The following PHLDB1 variants were observed in gnomAD, a reference collection of about 807,000 sequenced individuals.
PHLDB1 encodes the protein pleckstrin homology like domain family B member 1.
Under a neutral mutation model 139.3 loss-of-function variants are expected in PHLDB1, and 65 were observed. That is an observed-to-expected ratio of 0.47 (90% confidence interval 0.38 to 0.57). The LOEUF (loss-of-function observed/expected upper bound fraction) is 0.57. PHLDB1 is among the 20% of genes least tolerant of loss of function. PHLDB1 has a pLI of 0.00. For missense variants in PHLDB1, 1,624 were observed against 1,839.7 expected, an observed-to-expected ratio of 0.88 and a Z score of 2.14; for synonymous variants, 679 against 734.5, an observed-to-expected ratio of 0.92 and a Z score of 1.22.
chr11:118,635,493 G>A lies in PHLDB1; in HGVS notation c.2480G>A (p.Gly827Asp). The stretch of plus-strand genomic sequence containing the variant: ...GTGGAGGAGGAGCGCGAGCTGGCCG[G>A]CCAGGGGCTGCTCCGGAGCAAGGCT... ...SRVEEERELAGQGLLRSKAEL... is the reference protein window; with the variant it reads ...SRVEEERELADQGLLRSKAEL... The change falls in exon 10 of 23, where the codon GGC (glycine) becomes GAC (aspartate). Residue 827 changes from glycine to aspartate, a missense_variant. Physicochemically the swap from Gly to Asp is moderately conservative, Grantham distance 94. Transcript: ENST00000600882. 6.2e-7 allele frequency: 1 copy of A among 1,609,936 alleles called. No individual in the cohort carries two copies. Among genetic ancestry groups the A allele is most frequent in the Non-Finnish European group, 8.5e-7 (1 of 1,178,388 alleles).
At chr11:118,651,328 A>G (rs569708106) in intron 20 of PHLDB1, 1 of 152,334 alleles carries the variant, frequency 6.6e-6, no homozygotes, top group Admixed American at 6.5e-5. Flanking sequence ...TGTCTCTACT[A>G]AAAATACAAA....
At chr11:118,654,774 G>A (rs995746639) in intron 20 of PHLDB1, 1 of 129,476 alleles carries the variant, frequency 7.7e-6, no homozygotes, top group Non-Finnish European at 1.5e-5. Context: ...CTGAAGTGCA[G>A]TGGCGTGATC....
chr11:118,623,874 T>TTGTGTGTGTGTG (rs3222268), intron 4 of PHLDB1, among the ~76,000 whole-genome samples: 9 of 141,288 alleles, frequency 6.4e-5, no homozygotes, highest in African/African-American at 2.4e-4. Flanking sequence ...CTCTGAACAT[T>TTGTGTGTGTGTG]TGTGTGTGTG....
At chr11:118,654,412 A>G (rs574725330) in intron 20 of PHLDB1, 1 of 152,302 alleles carries the variant, frequency 6.6e-6, no homozygotes, top group Admixed American at 6.5e-5. Context: ...AATAGGTAAA[A>G]GTATTCATAT....
chr11:118,610,211 C>T lies in PHLDB1; in HGVS notation c.-22+2512C>T, dbSNP rs182514287. ...TTTTCCCATCTCTTAGTCTGCCTTT[C>T]ATTTTCCCCTTCACATCCCGGTGGC... On this transcript the variant is annotated intron_variant, in intron 1 of 22. Transcript: ENST00000600882. This position sits in a 1 kb window ranked among gnomAD's most constrained non-coding sequence, Gnocchi z 8.7. Among the ~76,000 whole-genome samples, 1 of 151,954 alleles carries T rather than the reference C, an allele frequency of 6.6e-6. No homozygotes were observed. Among genetic ancestry groups the T allele is most frequent in the South Asian group, 2.1e-4 (1 of 4,802 alleles).
chr11:118,622,059 C>A (rs1942925107), intron 4 of PHLDB1, among the ~76,000 whole-genome samples: 1 of 152,170 alleles, frequency 6.6e-6, no homozygotes, highest in African/African-American at 2.4e-5. Context: ...TGGTGTTTCT[C>A]CTCTGCATCT....
At chr11:118,653,820 C>T (rs1466986474) in intron 20 of PHLDB1, 1 of 152,204 alleles carries the variant, frequency 6.6e-6, no homozygotes, top group Non-Finnish European at 1.5e-5. Context: ...TACAGAGGAG[C>T]ATCTGTGCTT....
chr11:118,628,590 C>G lies in PHLDB1; in HGVS notation c.1767C>G (p.Leu589=), dbSNP rs782093993. Residue 589 remains leucine, a synonymous_variant, in exon 6 of 23, where the codon CTC becomes CTG. Coordinates refer to ENST00000600882, the MANE Select transcript of PHLDB1 (RefSeq NM_001144758.3). ...ITEISDNEDD[L]LEYHRRQRQE... The stretch of plus-strand genomic sequence containing the variant: ...AGATCAGTGACAATGAGGACGACCT[C>G]CTGGAGTACCACCGGCGACAGCGCC... The G allele has an allele frequency of 6.2e-7, 1 of 1,612,904 alleles. No individual in the cohort carries two copies. Among genetic ancestry groups the G allele is most frequent in the Non-Finnish European group, 8.5e-7 (1 of 1,179,924 alleles).
rs1943565381 is a variant in PHLDB1, at chr11:118,624,821, G to C, written c.356-113G>C. 3 of 1,049,400 alleles carry C rather than the reference G, an allele frequency of 2.9e-6. No individual in the cohort carries two copies. In the South Asian group the frequency reaches 4.0e-5, roughly 14 times the overall value. The allele number at this position is 1,049,400 out of a possible 1,614,324, so 65.0% of individuals were successfully genotyped here. A position where few individuals can be genotyped will look rare whatever the true frequency, so the allele number is the denominator to read the frequency against. ...GACGGGACTTCACCACATTGGCCAG[G>C]CTGGTCTCCAACTCCCGACCTCAGG... is the stretch of plus-strand genomic sequence containing the variant. On this transcript the variant is annotated intron_variant, in intron 4 of 22. Coordinates refer to ENST00000600882, the MANE Select transcript of PHLDB1 (RefSeq NM_001144758.3).
At position 118,638,884 on chromosome 11, in the gene PHLDB1, C is replaced by T. The variant is rs782034844; in HGVS notation, c.2536-7C>T. 5.6e-6 allele frequency: 9 copies of T among 1,604,892 alleles called. No individual in the cohort carries two copies. The highest frequency in any genetic ancestry group is 2.6e-6 in the Non-Finnish European group (3 of 1,175,064). On this transcript the variant is annotated splice_polypyrimidine_tract_variant and splice_region_variant and intron_variant, in intron 10 of 22. Coordinates refer to ENST00000600882, the MANE Select transcript of PHLDB1 (RefSeq NM_001144758.3). ...CAGGGCCTGATCAACCACCCCATCTCCTTTAGGAGCGCCTGGCCATCCTGG... is the reference window on the plus strand; with the variant it reads ...CAGGGCCTGATCAACCACCCCATCTTCTTTAGGAGCGCCTGGCCATCCTGG...
rs551936081 is a variant in PHLDB1 at position 118,627,874 on chromosome 11, C to T, written c.1051C>T (p.Arg351Trp). Residue 351 changes from arginine (R) to tryptophan (W), a missense_variant, in exon 6 of 23, where the codon CGG becomes TGG. Arg to Trp is a moderately radical substitution (Grantham distance 101, BLOSUM62 -3). Transcript: ENST00000600882. ...AEARRATESP[R>W]LGGQLPVVAI... ...GGCCCGGAGAGCCACTGAGAGCCCCCGGCTGGGTGGGCAGCTGCCTGTGGT... is the reference window on the plus strand; with the variant it reads ...GGCCCGGAGAGCCACTGAGAGCCCCTGGCTGGGTGGGCAGCTGCCTGTGGT... The T allele has an allele frequency of 2.3e-4, 365 of 1,609,496 alleles. 2 individuals carry two copies. The South Asian group carries it at 3.6e-3, about 16-fold the overall frequency.
At chr11:118,642,008 A>C in intron 12 of PHLDB1, 1 of 609,202 alleles carries the variant, frequency 1.6e-6, no homozygotes, top group Non-Finnish European at 2.9e-6. Flanking sequence ...ATTCAGGGCA[A>C]CTGTTGTCTC....
At position 118,635,065 on chromosome 11, in the gene PHLDB1, C is replaced by T. The variant is rs527307235; in HGVS notation, c.2380-328C>T. ...CAGCTGAGAAGGGTCAGTTCCACCG[C>T]CCCCCCTCCCCCGGCCCCGCGGGCC... is the stretch of plus-strand genomic sequence containing the variant. On this transcript the variant is annotated intron_variant, in intron 9 of 22. Coordinates refer to ENST00000600882, the MANE Select transcript of PHLDB1 (RefSeq NM_001144758.3). 36 of 493,722 alleles carry T rather than the reference C, an allele frequency of 7.3e-5. No homozygotes were observed. The Middle Eastern group carries it at 1.0e-3, about 14-fold the overall frequency. 30.6% of individuals were successfully genotyped at this position (493,722 alleles called of 1,614,324 possible).
In PHLDB1 at chr11:118,650,151, C is replaced by T; in HGVS notation, c.3729C>T (p.Gly1243=). Reference sequence around the variant, plus strand: ...TGAAGACACATATTGAGTCATCGGGCCATGGTGTTGATACCTGCCTGCACG... The same window carrying T: ...TGAAGACACATATTGAGTCATCGGGTCATGGTGTTGATACCTGCCTGCACG... ...FDLKTHIESS[G]HGVDTCLHVV... The change falls in exon 19 of 23, where the codon GGC becomes GGT. Residue 1243 remains glycine, a synonymous_variant. Coordinates refer to ENST00000600882, the MANE Select transcript of PHLDB1 (RefSeq NM_001144758.3). This position sits in a 1 kb window ranked among gnomAD's most constrained non-coding sequence, Gnocchi z 4.7. 1 of 1,614,110 alleles carries T rather than the reference C, an allele frequency of 6.2e-7. No individual in the cohort carries two copies. Among genetic ancestry groups the T allele is most frequent in the Non-Finnish European group, 8.5e-7 (1 of 1,179,938 alleles).
intron 9 of PHLDB1, 107 bp from the exon 10 acceptor site, chr11:118,635,284 AAT>A: frequency 1.5e-6 from 2 of 1,320,828 alleles, no homozygotes; most frequent in Non-Finnish European, 2.1e-6. Flanking sequence ...TTTCTTACCC[AAT>A]TTCCCCGGGT....
At chr11:118,644,622 C>A in intron 15 of PHLDB1, 2 of 1,282,628 alleles carry the variant, frequency 1.6e-6, no homozygotes, top group Admixed American at 2.3e-5. Flanking sequence ...CTACCGTACC[C>A]TCTGCCTGGG....
chr11:118,613,742 C>G, intron 1 of PHLDB1, 74 bp from the exon 2 acceptor site: 1 of 881,806 alleles, frequency 1.1e-6, no homozygotes, highest in Non-Finnish European at 1.8e-6. Context: ...CCCTGAGAAC[C>G]CTGCCACAGA....
intron 20 of PHLDB1, 183 bp from the exon 21 acceptor site, chr11:118,655,421 TG>T: frequency 1.9e-6 from 1 of 533,474 alleles, no homozygotes; most frequent in Admixed American, 3.4e-5. Context: ...TCTGTGATTA[TG>T]AGTGAGGCTG....
chr11:118,649,693 A>T (rs1171704655), intron 18 of PHLDB1, among the ~76,000 whole-genome samples: 2 of 152,178 alleles, frequency 1.3e-5, no homozygotes, highest in Non-Finnish European at 2.9e-5. Flanking sequence ...ATGTGACCCA[A>T]ACAAGGTCCC....
Sources: allele counts gnomAD v4.1 joint callset (sites outside exome capture counted in the v4.1 genomes callset), GRCh38; gene constraint gnomAD v4.1.1; non-coding constraint Gnocchi (gnomAD v3.1); transcripts MANE v1.5; gene names NCBI Gene and HGNC (gene_info 2026-07-23, HGNC 2026-07-21).